STRBP: variants seen among roughly 807,000 people sequenced by gnomAD.
STRBP encodes spermatid perinuclear RNA binding protein.
Under a neutral mutation model 80.1 loss-of-function variants are expected in STRBP, and 13 were observed. The observed-to-expected ratio is 0.16, with a 90% CI of 0.11 to 0.26. The LOEUF is 0.26. Ranked by LOEUF, STRBP falls within the 10% of genes least tolerant of loss-of-function variation. The pLI is 1.00. For synonymous variants in STRBP, 284 were observed against 291.2 expected, an observed-to-expected ratio of 0.98 and a Z score of 0.25; for missense variants, 485 against 815.2, an observed-to-expected ratio of 0.59 and a Z score of 4.93.
intron 2 of STRBP, among the ~76,000 whole-genome samples, chr9:123,228,609 AG>A (rs2040312320): frequency 6.6e-6 from 1 of 152,210 alleles, no homozygotes; most frequent in Non-Finnish European, 1.5e-5. Context: ...TGTTGAATTT[AG>A]GCACTTTGAT....
chr9:123,187,940 A>G (rs988361818), intron 2 of STRBP, among the ~76,000 whole-genome samples: 2 of 139,646 alleles, frequency 1.4e-5, no homozygotes, highest in African/African-American at 6.1e-5. Flanking sequence ...TACAAATGAC[A>G]TGCATTCACC....
intron 2 of STRBP, among the ~76,000 whole-genome samples, chr9:123,216,265 A>G (rs1464107263): frequency 6.6e-6 from 1 of 152,202 alleles, no homozygotes; most frequent in East Asian, 1.9e-4. Flanking sequence ...CCAGCTCTGT[A>G]ACTACATGTT....
Position 123,184,268 on chromosome 9 carries a change from A to G in STRBP, c.-134T>C. The G allele has an allele frequency of 1.3e-6, 1 of 766,222 alleles. No homozygotes were observed. Among genetic ancestry groups the G allele is most frequent in the Admixed American group, 2.9e-5 (1 of 35,048 alleles). 47.5% of individuals were successfully genotyped at this position (766,222 alleles called of 1,614,324 possible). ...CTGACAGCTCAGCGTCAATATAGCAAATGTCTGAAGGCTTGTTCTCTGGAA... is the reference window on the plus strand; with the variant it reads ...CTGACAGCTCAGCGTCAATATAGCAGATGTCTGAAGGCTTGTTCTCTGGAA... On this transcript the variant is annotated 5_prime_UTR_variant, in exon 3 of 19. Coordinates refer to ENST00000348403, the MANE Select transcript of STRBP (RefSeq NM_018387.5).
At chr9:123,164,973 G>T (rs1344255396) in intron 6 of STRBP, among the ~76,000 whole-genome samples, 1 of 152,172 alleles carries the variant, frequency 6.6e-6, no homozygotes, top group African/African-American at 2.4e-5. Flanking sequence ...CCACTGGAAA[G>T]ACAGTGCCTA....
At chr9:123,144,197 CAAAAAA>C (rs957671357) in intron 13 of STRBP, among the ~76,000 whole-genome samples, 1 of 69,072 alleles carries the variant, frequency 1.4e-5, no homozygotes. Flanking sequence ...GACTCCGTCT[CAAAAAA>C]AAAAAAAAAA....
At position 123,124,794 on chromosome 9, in the gene STRBP, AG is replaced by A; in HGVS notation, c.*802del. On this transcript the variant is annotated 3_prime_UTR_variant, in exon 19 of 19. Transcript: ENST00000348403. ...ACATTCTCCTTCCCCATCTCTGGGTAGTGCCATCATTTTAATAAGCAATGCT... is the reference window on the plus strand; with the variant it reads ...ACATTCTCCTTCCCCATCTCTGGGTATGCCATCATTTTAATAAGCAATGCT... 7 of 985,468 alleles carry A rather than the reference AG, an allele frequency of 7.1e-6. No individual in the cohort carries two copies. Among genetic ancestry groups the A allele is most frequent in the Non-Finnish European group, 8.4e-6 (7 of 829,928 alleles). 61.0% of individuals were successfully genotyped at this position (985,468 alleles called of 1,614,324 possible). A position where few individuals can be genotyped will look rare whatever the true frequency, so the allele number is the denominator to read the frequency against.
chr9:123,161,834 T>C lies in STRBP; in HGVS notation c.536-766A>G, dbSNP rs146711387. ...GGCCCAAAGCAGCAAATATCCATAT[T>C]TGAGAAGATGTCACATGACACTAAA... On this transcript the variant is annotated intron_variant, in intron 6 of 18. Transcript: ENST00000348403. Among the ~76,000 whole-genome samples, 418 of 152,366 alleles carry C rather than the reference T, an allele frequency of 2.7e-3. 3 individuals carry two copies. Among genetic ancestry groups the C allele is most frequent in the African/African-American group, 9.7e-3 (405 of 41,594 alleles).
intron 6 of STRBP, among the ~76,000 whole-genome samples, chr9:123,163,063 T>C (rs770326265): frequency 6.6e-6 from 1 of 152,216 alleles, no homozygotes; most frequent in Non-Finnish European, 1.5e-5. Flanking sequence ...GAACTTGTTT[T>C]TTAAGATGTC....
chr9:123,238,201 AC>A (rs909274163), intron 1 of STRBP, among the ~76,000 whole-genome samples: 10 of 152,246 alleles, frequency 6.6e-5, no homozygotes, highest in Admixed American at 2.6e-4. Flanking sequence ...TAATCCCAGC[AC>A]TTTGGGAGAC....
In STRBP at chr9:123,125,680, A is replaced by G; in HGVS notation, c.1943-7T>C. On this transcript the variant is annotated splice_region_variant and splice_polypyrimidine_tract_variant and intron_variant, in intron 18 of 18. Coordinates refer to ENST00000348403, the MANE Select transcript of STRBP (RefSeq NM_018387.5). ...ACCATTCTCTTGGGTAAACCTACAG[A>G]GAAAAGAAACGGAGAGGACTCCAAA... The G allele has an allele frequency of 6.2e-7, 1 of 1,606,572 alleles. No individual in the cohort carries two copies.
In STRBP at chr9:123,122,413, C is replaced by G. The variant is rs2035759872; in HGVS notation, c.*3184G>C. On this transcript the variant is annotated 3_prime_UTR_variant, in exon 19 of 19. Transcript: ENST00000348403. ...CTTCAATTAATAATGGTGGCTGATT[C>G]ATGATTTTCAAACATTCACCCAAAA... The G allele has an allele frequency of 4.3e-6, 5 of 1,175,676 alleles. No individual in the cohort carries two copies. The highest frequency in any genetic ancestry group is 3.2e-6 in the Non-Finnish European group (3 of 935,172). The allele number at this position is 1,175,676 out of a possible 1,614,324, so 72.8% of individuals were successfully genotyped here. A position where few individuals can be genotyped will look rare whatever the true frequency, so the allele number is the denominator to read the frequency against.
At chr9:123,137,596 CAG>C (rs748647868) in intron 14 of STRBP, among the ~76,000 whole-genome samples, 5 of 152,170 alleles carry the variant, frequency 3.3e-5, no homozygotes, top group African/African-American at 7.2e-5. Context: ...TTAGTAGAGA[CAG>C]GGTATCGCCA....
At chr9:123,231,740 A>C (rs1266324995) in intron 2 of STRBP, among the ~76,000 whole-genome samples, 6 of 152,166 alleles carry the variant, frequency 3.9e-5, no homozygotes, top group Admixed American at 3.9e-4. Context: ...ACTTGCCTCC[A>C]GTTCATTCCA....
intron 11 of STRBP, among the ~76,000 whole-genome samples, chr9:123,153,689 G>A (rs2037157753): frequency 6.6e-6 from 1 of 152,298 alleles, no homozygotes. Context: ...TTAAGTTTGA[G>A]ATGTCTGCTG....
chr9:123,149,233 G>T (rs1387900864), intron 11 of STRBP, among the ~76,000 whole-genome samples: 1 of 152,140 alleles, frequency 6.6e-6, no homozygotes, highest in Non-Finnish European at 1.5e-5. Context: ...TTCAGCATTT[G>T]CTTGGGTCAA....
At chr9:123,147,747 T>C in intron 12 of STRBP, 31 bp downstream of exon 12, 1 of 1,559,044 alleles carries the variant, frequency 6.4e-7, no homozygotes, top group Non-Finnish European at 8.7e-7. Flanking sequence ...CCTCTCTAGT[T>C]TGCATCTATA....
intron 1 of STRBP, among the ~76,000 whole-genome samples, chr9:123,253,083 A>G (rs2040949977): frequency 6.6e-6 from 1 of 152,238 alleles, no homozygotes; most frequent in Admixed American, 6.5e-5. Flanking sequence ...CCACTTTTTA[A>G]AAGGATCTTA....
chr9:123,196,513 G>A (rs1453148758), intron 2 of STRBP, among the ~76,000 whole-genome samples: 3 of 151,802 alleles, frequency 2.0e-5, no homozygotes, highest in Non-Finnish European at 4.4e-5. Flanking sequence ...AAAATATACA[G>A]GGAGCTCAAA....
chr9:123,182,892 A>C (rs559276107), intron 3 of STRBP, among the ~76,000 whole-genome samples: 1 of 152,088 alleles, frequency 6.6e-6, no homozygotes, highest in South Asian at 2.1e-4. Flanking sequence ...TGCGCCTATA[A>C]GGCCAAGCTA....
Sources: allele counts gnomAD v4.1 joint callset (sites outside exome capture counted in the v4.1 genomes callset), GRCh38; gene constraint gnomAD v4.1.1; transcripts MANE v1.5; gene names NCBI Gene and HGNC (gene_info 2026-07-23, HGNC 2026-07-21).